Variants in ROR1 observed in about 807,000 individuals in gnomAD.
The protein encoded by ROR1 is ROR family WNT receptor 1.
A neutral mutation model predicts 78.8 loss-of-function variants in ROR1; 19 were observed. The ratio of observed to expected loss-of-function variants is 0.24; its 90% CI spans 0.17 to 0.35. ROR1 has a LOEUF of 0.35. ROR1 is among the 10% of genes least tolerant of loss of function. The pLI is 1.00. For synonymous variants in ROR1, 386 were observed against 433.6 expected (o/e 0.89, Z 1.36); for missense variants, 917 against 1,177.8 (o/e 0.78, Z 3.24).
At chr1:63,825,942 C>A (rs1266867558) in intron 1 of ROR1, among the ~76,000 whole-genome samples, 1 of 152,184 alleles carries the variant, frequency 6.6e-6, no homozygotes, top group Non-Finnish European at 1.5e-5. Context: ...GACCTCAGTT[C>A]CCTCATCTAT....
chr1:63,841,685 T>C (rs990265394), intron 1 of ROR1, among the ~76,000 whole-genome samples: 1 of 152,224 alleles, frequency 6.6e-6, no homozygotes, highest in Admixed American at 6.5e-5. Context: ...AAATAAAGGA[T>C]ACAACTAATT....
At chr1:64,069,981 C>G (rs1007315106) in intron 4 of ROR1, among the ~76,000 whole-genome samples, 2 of 152,054 alleles carry the variant, frequency 1.3e-5, no homozygotes, top group Non-Finnish European at 2.9e-5. Context: ...CCTCCTGTAC[C>G]CATTAAGTGG....
rs752773676 is a variant in ROR1, at chr1:64,140,380, G to A, written c.882G>A (p.Ala294=). 18 of 1,613,956 alleles carry A rather than the reference G, an allele frequency of 1.1e-5. No individual in the cohort carries two copies. Among genetic ancestry groups the A allele is most frequent in the African/African-American group, 9.3e-5 (7 of 74,910 alleles). ...DLPQPESPEA[A]NCIRIGIPMA... ...CCCAGCCAGAGAGCCCAGAAGCTGC[G>A]AACTGTATCCGGATTGGAATTCCCA... Residue 294 remains alanine, a synonymous_variant, in exon 6 of 9, where the codon GCG becomes GCA. Transcript: ENST00000371079.
At chr1:64,029,437 C>T (rs1292448639) in intron 2 of ROR1, among the ~76,000 whole-genome samples, 2 of 152,168 alleles carry the variant, frequency 1.3e-5, no homozygotes, top group East Asian at 1.9e-4. Context: ...TGATTCTCCT[C>T]GTAATTGCCC....
intron 1 of ROR1, among the ~76,000 whole-genome samples, chr1:63,927,753 G>T (rs1033830359): frequency 6.6e-6 from 1 of 152,088 alleles, no homozygotes; most frequent in African/African-American, 2.4e-5. Flanking sequence ...ACAACTAGAG[G>T]TGTACCCACT....
chr1:63,945,329 A>G (rs1211765133), intron 1 of ROR1, among the ~76,000 whole-genome samples: 1 of 152,166 alleles, frequency 6.6e-6, no homozygotes, highest in East Asian at 1.9e-4. Flanking sequence ...TCACGGAACA[A>G]TATTTTCTGT....
intron 1 of ROR1, among the ~76,000 whole-genome samples, chr1:63,993,088 T>C (rs1646309086): frequency 6.6e-6 from 1 of 152,180 alleles, no homozygotes; most frequent in African/African-American, 2.4e-5. Flanking sequence ...CTGTTTACAG[T>C]TCCCCAAATT....
At chr1:63,834,790 G>T (rs1645010328) in intron 1 of ROR1, among the ~76,000 whole-genome samples, 1 of 152,066 alleles carries the variant, frequency 6.6e-6, no homozygotes, top group African/African-American at 2.4e-5. Flanking sequence ...CCAAGATCTG[G>T]GCCCAAGGCA....
chr1:63,943,743 G>T (rs1645860124), intron 1 of ROR1, among the ~76,000 whole-genome samples: 1 of 152,136 alleles, frequency 6.6e-6, no homozygotes, highest in South Asian at 2.1e-4. Context: ...TTTCACTTGT[G>T]ATTTATTATT....
intron 4 of ROR1, among the ~76,000 whole-genome samples, chr1:64,121,490 C>T (rs926035311): frequency 6.6e-6 from 1 of 152,174 alleles, no homozygotes; most frequent in Non-Finnish European, 1.5e-5. Flanking sequence ...ATGTAAACTG[C>T]CATGAGGGCA....
intron 1 of ROR1, among the ~76,000 whole-genome samples, chr1:63,878,502 T>G (rs1432665400): frequency 6.6e-6 from 1 of 152,274 alleles, no homozygotes; most frequent in East Asian, 1.9e-4. Flanking sequence ...TGATTTTTTT[T>G]TTTTTAAACA....
chr1:63,830,677 A>AAG (rs1377751463), intron 1 of ROR1, among the ~76,000 whole-genome samples: 3 of 152,084 alleles, frequency 2.0e-5, no homozygotes, highest in African/African-American at 7.2e-5. Context: ...ATATCATTTT[A>AAG]CTCCTGGCCC....
At chr1:63,796,169 C>T (rs1301262392) in intron 1 of ROR1, among the ~76,000 whole-genome samples, 4 of 151,726 alleles carry the variant, frequency 2.6e-5, no homozygotes, top group Admixed American at 2.6e-4. Flanking sequence ...TTTTTCCCTT[C>T]TACAAAGGAT....
chr1:64,056,446 G>A (rs779709569), intron 4 of ROR1, among the ~76,000 whole-genome samples: 7 of 151,976 alleles, frequency 4.6e-5, no homozygotes, highest in Admixed American at 1.3e-4. Flanking sequence ...AGGCCAAGGC[G>A]GGTGGATCAC....
chr1:63,841,492 A>T (rs1441380368), intron 1 of ROR1, among the ~76,000 whole-genome samples: 1 of 152,216 alleles, frequency 6.6e-6, no homozygotes, highest in Non-Finnish European at 1.5e-5. Flanking sequence ...TTTTAATGAC[A>T]TGATATTATG....
chr1:63,933,251 C>T (rs1645768294), intron 1 of ROR1, among the ~76,000 whole-genome samples: 1 of 152,140 alleles, frequency 6.6e-6, no homozygotes, highest in Admixed American at 6.5e-5. Context: ...GGGACCTTGG[C>T]CAAGCTTCTG....
intron 1 of ROR1, among the ~76,000 whole-genome samples, chr1:63,869,877 C>T (rs1645240786): frequency 6.6e-6 from 1 of 152,198 alleles, no homozygotes; most frequent in Admixed American, 6.5e-5. Flanking sequence ...AGTAAGTAAC[C>T]TCACATAAGT....
chr1:63,968,498 G>T (rs568489048), intron 1 of ROR1, among the ~76,000 whole-genome samples: 3 of 151,276 alleles, frequency 2.0e-5, no homozygotes, highest in South Asian at 2.1e-4. Context: ...ATTATTTTTC[G>T]TATGAGAAAA....
chr1:63,821,444 T>C (rs879004427), intron 1 of ROR1, among the ~76,000 whole-genome samples: 6 of 152,240 alleles, frequency 3.9e-5, no homozygotes, highest in Admixed American at 3.9e-4. Context: ...CCAACACTTT[T>C]CACTGCTGCA....
Sources: gnomAD v4.1 joint callset for allele counts (sites outside exome capture counted in the v4.1 genomes callset) on GRCh38, gnomAD v4.1.1 for gene constraint, MANE v1.5 for transcripts, NCBI Gene and HGNC (gene_info 2026-07-23, HGNC 2026-07-21) for gene names.